PABPC1: variants seen among roughly 807,000 people sequenced by gnomAD.
PABPC1 encodes poly(A) binding protein cytoplasmic 1, also known as polyadenylate-binding protein 1.
In PABPC1, 4 loss-of-function variants were observed where a neutral mutation model predicts 74.0. That is an observed-to-expected ratio of 0.05 (90% CI 0.03 to 0.12). The LOEUF (loss-of-function observed/expected upper bound fraction) is 0.12, where lower values mean the gene tolerates loss of function less well. Among genes scored for constraint, PABPC1 ranks in the 10% least tolerant of loss-of-function variants. The pLI is 1.00. For synonymous variants in PABPC1, 227 were observed against 264.1 expected (o/e 0.86, Z 1.36); for missense variants, 271 against 821.1 (o/e 0.33, Z 8.19).
At chr8:100,703,515 T>C (rs1200936304) in intron 14 of PABPC1, among the ~76,000 whole-genome samples, 156 bp from the exon 15 acceptor site, 6 of 152,242 alleles carry the variant, frequency 3.9e-5, no homozygotes, top group Non-Finnish European at 5.9e-5. Context: ...TATGGTTGTC[T>C]TGACATGGTA....
chr8:100,709,329 G>C, intron 8 of PABPC1, 106 bp from the exon 9 acceptor site: 7 of 1,457,970 alleles, frequency 4.8e-6, no homozygotes, highest in Non-Finnish European at 6.7e-6. Context: ...TCACACTCAA[G>C]CATTTTTTCC....
chr8:100,709,157 T>A lies in PABPC1; in HGVS notation c.1312A>T (p.Thr438Ser). 6.2e-7 allele frequency: 1 copy of A among 1,613,892 alleles called. No individual in the cohort carries two copies. Among genetic ancestry groups the A allele is most frequent in the Non-Finnish European group, 8.5e-7 (1 of 1,179,976 alleles). The change falls in exon 9 of 15, where the codon ACT (threonine) becomes TCT (serine). Residue 438 changes from threonine (T) to serine (S), a missense_variant. Physicochemically the swap from Thr to Ser is moderately conservative, Grantham distance 58 (BLOSUM62 1). Around this residue, in one of 7 missense-constraint regions of PABPC1, gnomAD observed 103 missense variants for 245.3 expected, o/e 0.42. Coordinates refer to ENST00000318607, the MANE Select transcript of PABPC1 (RefSeq NM_002568.4). The stretch of plus-strand genomic sequence containing the variant: ...CGATGAGGTCTGGCACCCTGAGCAG[T>A]CCAGCGAGGACTTGGTCTTAGTTGA... ...IAQLRPSPRW[T>S]AQGARPHPFQ... is the part of the protein sequence containing the mutation.
intron 1 of PABPC1, 92 bp from the exon 2 acceptor site, chr8:100,718,372 A>G: frequency 1.0e-6 from 1 of 994,840 alleles, no homozygotes; most frequent in Non-Finnish European, 1.5e-6. Context: ...GAGTGGGAGG[A>G]CACATGGTCT....
chr8:100,704,387 C>T lies in PABPC1; in HGVS notation c.1822G>A (p.Asp608Asn). ...GCTTGTAGTACAGCTACAGCTTCAT[C>T]AACCTAAAAAAGGGGAAAACAGATA... ...ESPESLRSKV[D>N]EAVAVLQAHQ... The change falls in exon 14 of 15, where the codon GAT (aspartate) becomes AAT (asparagine). Residue 608 changes from aspartate (D) to asparagine (N), a missense_variant. Physicochemically the swap from Asp to Asn is conservative, Grantham distance 23. Coordinates refer to ENST00000318607, the MANE Select transcript of PABPC1 (RefSeq NM_002568.4). 1 of 1,613,288 alleles carries T rather than the reference C, an allele frequency of 6.2e-7. No individual in the cohort carries two copies. The highest frequency in any genetic ancestry group is 8.5e-7 in the Non-Finnish European group (1 of 1,179,478).
At chr8:100,711,287 A>C (rs564083729) in intron 7 of PABPC1, among the ~76,000 whole-genome samples, 22 of 148,464 alleles carry the variant, frequency 1.5e-4, no homozygotes, top group Non-Finnish European at 3.0e-4. Flanking sequence ...TAAAAAAGAC[A>C]AAAAAAAAAC....
chr8:100,716,490 C>T (rs1448260050), intron 3 of PABPC1, among the ~76,000 whole-genome samples: 2 of 152,172 alleles, frequency 1.3e-5, no homozygotes, highest in African/African-American at 4.8e-5. Flanking sequence ...GAAGGAAAAA[C>T]CATCTTACAT....
chr8:100,712,588 G>C, intron 6 of PABPC1, 64 bp downstream of exon 6: 1 of 1,561,198 alleles, frequency 6.4e-7, no homozygotes, highest in Non-Finnish European at 8.7e-7. Flanking sequence ...GGAAGTAACT[G>C]AAATCAACGT....
At chr8:100,707,101 G>A (rs1260320377) in intron 9 of PABPC1, 104 bp from the exon 10 acceptor site, 9 of 790,532 alleles carry the variant, frequency 1.1e-5, no homozygotes, top group African/African-American at 1.7e-5. Flanking sequence ...AGACTAAAAA[G>A]TGACAAAACT....
At chr8:100,720,239 A>G (rs1448346788) in intron 1 of PABPC1, among the ~76,000 whole-genome samples, 1 of 151,778 alleles carries the variant, frequency 6.6e-6, no homozygotes, top group Non-Finnish European at 1.5e-5. Flanking sequence ...GACAAATCCT[A>G]GCAACTCAAC....
rs181039562 is a variant in PABPC1 at position 100,711,044 on chromosome 8, C to T, written c.973-1313G>A. The stretch of plus-strand genomic sequence containing the variant: ...CGGTGGCTCACGCCTGTAATCCCAA[C>T]ACTTTAGGAGGTCACCTGAGGTCAG... On this transcript the variant is annotated intron_variant, in intron 7 of 14. Transcript: ENST00000318607. 2.0e-3 allele frequency among the ~76,000 whole-genome samples: 307 copies of T among 152,262 alleles called. 4 individuals carry two copies. The highest frequency in any genetic ancestry group is 0.014 in the Admixed American group (218 of 15,292).
chr8:100,714,185 A>G (rs1587160408), intron 4 of PABPC1, among the ~76,000 whole-genome samples: 1 of 152,236 alleles, frequency 6.6e-6, no homozygotes, highest in Non-Finnish European at 1.5e-5. Flanking sequence ...ACATATTCAC[A>G]TATTTGTGGT....
intron 3 of PABPC1, among the ~76,000 whole-genome samples, chr8:100,716,463 T>C (rs1369171710): frequency 2.0e-5 from 3 of 152,184 alleles, no homozygotes; most frequent in African/African-American, 7.2e-5. Flanking sequence ...TAGCATATTA[T>C]AATACACAGC....
At position 100,704,921 on chromosome 8, in the gene PABPC1, A is replaced by T. The variant is rs377356641; in HGVS notation, c.1818+5T>A. 1,855 of 1,606,186 alleles carry T rather than the reference A, an allele frequency of 1.2e-3. 2 individuals carry two copies. The highest frequency in any genetic ancestry group is 1.5e-3 in the Non-Finnish European group (1,744 of 1,176,366). On this transcript the variant is annotated splice_donor_5th_base_variant and intron_variant, in intron 13 of 14. Coordinates refer to ENST00000318607, the MANE Select transcript of PABPC1 (RefSeq NM_002568.4). ...GAGGCAACTTGGTAAATAAATTTAA[A>T]TCACCTTAGAACGGAGTGACTCTGG...
chr8:100,704,454 G>T, intron 13 of PABPC1, 64 bp from the exon 14 acceptor site: 2 of 1,275,560 alleles, frequency 1.6e-6, no homozygotes, highest in South Asian at 1.2e-5. Flanking sequence ...GTTTCATAAT[G>T]GTAACATACC....
chr8:100,717,743 AAT>A (rs1426906102), intron 3 of PABPC1, 28 bp downstream of exon 3: 2 of 1,279,890 alleles, frequency 1.6e-6, no homozygotes, highest in Non-Finnish European at 1.1e-6. Context: ...TAAGATTCAA[AAT>A]ATGATTAGCT....
At chr8:100,709,280 A>T (rs1810467497) in intron 8 of PABPC1, 57 bp from the exon 9 acceptor site, 3 of 1,512,214 alleles carry the variant, frequency 2.0e-6, no homozygotes, top group Non-Finnish European at 9.2e-7. Flanking sequence ...AAATAATGCA[A>T]TAAATTATAT....
intron 9 of PABPC1, 153 bp from the exon 10 acceptor site, chr8:100,707,150 C>T (rs1810401431): frequency 1.8e-6 from 1 of 570,262 alleles, no homozygotes; most frequent in African/African-American, 1.9e-5. Context: ...TTTTCCCAGA[C>T]TCAGAGCATC....
chr8:100,719,358 T>C (rs1240110746), intron 1 of PABPC1, among the ~76,000 whole-genome samples: 1 of 151,576 alleles, frequency 6.6e-6, no homozygotes, highest in Non-Finnish European at 1.5e-5. Flanking sequence ...TAGCTCATTA[T>C]CAATTGACCA....
intron 3 of PABPC1, among the ~76,000 whole-genome samples, chr8:100,717,034 C>A (rs1810689836): frequency 6.6e-6 from 1 of 151,936 alleles, no homozygotes; most frequent in South Asian, 2.1e-4. Context: ...TTTTTAAAGA[C>A]AGTTTCAATC....
Sources: gnomAD v4.1 joint callset for allele counts (sites outside exome capture counted in the v4.1 genomes callset) on GRCh38, gnomAD v4.1.1 for gene constraint, gnomAD v4.1.1 regional missense constraint, MANE v1.5 for transcripts, NCBI Gene and HGNC (gene_info 2026-07-23, HGNC 2026-07-21) for gene names.